The following FAT1 variants were observed in gnomAD, a reference collection of about 807,000 sequenced individuals.
The protein encoded by FAT1 is protocadherin Fat 1.
A neutral mutation model predicts 329.8 loss-of-function variants in FAT1; 171 were observed. The ratio of observed to expected loss-of-function variants is 0.52; its 90% CI spans 0.46 to 0.59. The LOEUF is 0.59. Among genes scored for constraint, FAT1 ranks in the 20% least tolerant of loss-of-function variants. The pLI is 0.00. For missense variants in FAT1, 5,672 were observed against 5,774.4 expected (o/e 0.98, Z 0.57); for synonymous variants, 2,233 against 2,228.6 (o/e 1.00, Z -0.06).
Position 186,596,533 on chromosome 4 carries a change from C to T in FAT1, c.13000+7G>A. 1 of 1,606,538 alleles carries T rather than the reference C, an allele frequency of 6.2e-7. No individual in the cohort carries two copies. The highest frequency in any genetic ancestry group is 1.1e-5 in the South Asian group (1 of 89,474). ...ACACTTTAGTGAGATGAAAAAGTGG[C>T]TCTTACTGTCATAGTCAAAGTCCCA... On this transcript the variant is annotated splice_region_variant and intron_variant, in intron 25 of 26. Transcript: ENST00000441802. The surrounding 1 kb of genome is among the most constrained non-coding windows in gnomAD (Gnocchi z 4.7).
In FAT1 at chr4:186,620,422, T is replaced by C. The variant is rs373045351; in HGVS notation, c.6164A>G (p.Glu2055Gly). 1.2e-6 allele frequency: 2 copies of C among 1,614,032 alleles called. No individual in the cohort carries two copies. The highest frequency in any genetic ancestry group is 1.3e-5 in the African/African-American group (1 of 75,054). Residue 2055 changes from glutamate to glycine, a missense_variant, in exon 10 of 27, where the codon GAG (glutamate) becomes GGG (glycine). Physicochemically the swap from Glu to Gly is moderately conservative, Grantham distance 98. Transcript: ENST00000441802. ...GGCCACTGCAGAAGGCTTATGTTCC[T>C]CTGTCACTTCTACAACCACATCAAA... ...EAFDVVVEVT[E>G]EHKPSAVAHV...
At position 186,682,492 on chromosome 4, in the gene FAT1, A is replaced by G. The variant is rs546171623; in HGVS notation, c.3266-18879T>C. Among the ~76,000 whole-genome samples the G allele has an allele frequency of 2.9e-4, 42 of 145,596 alleles. No homozygotes were observed. The South Asian group carries it at 9.0e-3, about 31-fold the overall frequency. ...CAGTGAGCTAAGATCACACCACCGC[A>G]CTCCAGCCTGAGTGAAAGAGCGAGA... On this transcript the variant is annotated intron_variant, in intron 2 of 26. Transcript: ENST00000441802.
At chr4:186,712,931 G>C (rs1013526792) in intron 1 of FAT1, among the ~76,000 whole-genome samples, 10 of 104,418 alleles carry the variant, frequency 9.6e-5, no homozygotes, top group African/African-American at 4.1e-4. Flanking sequence ...AGCGGTTGAG[G>C]GACAGCGGTA....
chr4:186,618,314 C>G lies in FAT1; in HGVS notation c.8272G>C (p.Gly2758Arg). ...AGACTCTTCTCCAACTTCAGTCTCCCGCTCTGTCTGTCAATCACAAAGGAC... is the reference window on the plus strand; with the variant it reads ...AGACTCTTCTCCAACTTCAGTCTCCGGCTCTGTCTGTCAATCACAAAGGAC... ...DESFVIDRQS[G>R]RLKLEKSLDH... Residue 2758 changes from glycine (G) to arginine (R), a missense_variant, in exon 10 of 27, where the codon GGG (glycine) becomes CGG (arginine). This residue lies in a region of FAT1 where 3,966 missense variants were observed against 3,915.2 expected (regional missense o/e 1.01). Transcript: ENST00000441802. 6.2e-7 allele frequency: 1 copy of G among 1,614,018 alleles called. No individual in the cohort carries two copies. Among genetic ancestry groups the G allele is most frequent in the Non-Finnish European group, 8.5e-7 (1 of 1,179,898 alleles).
Position 186,636,683 on chromosome 4 carries a change from C to G in FAT1, c.3874G>C (p.Glu1292Gln), listed in dbSNP as rs184443677. 3.7e-6 allele frequency: 6 copies of G among 1,613,736 alleles called. No individual in the cohort carries two copies. Among genetic ancestry groups the G allele is most frequent in the African/African-American group, 1.3e-5 (1 of 74,882 alleles). ...GPNAEISYSI[E>Q]DGNEHGKFFI... ...AATTTGCCATGCTCATTCCCGTCTTCGATGCTGTAGGAGATTTCTGCATTG... is the reference window on the plus strand; with the variant it reads ...AATTTGCCATGCTCATTCCCGTCTTGGATGCTGTAGGAGATTTCTGCATTG... Residue 1292 changes from glutamate (E) to glutamine (Q), a missense_variant, in exon 5 of 27, where the codon GAA becomes CAA. Physicochemically the swap from Glu to Gln is conservative, Grantham distance 29. Around this residue, in one of 2 missense-constraint regions of FAT1, gnomAD observed 3,966 missense variants for 3,915.2 expected, o/e 1.01. Transcript: ENST00000441802.
chr4:186,680,661 A>C (rs1743168835), intron 2 of FAT1, among the ~76,000 whole-genome samples: 1 of 152,218 alleles, frequency 6.6e-6, no homozygotes, highest in South Asian at 2.1e-4. Context: ...AAAGAACAAG[A>C]GTTAAAAGAG....
intron 2 of FAT1, 55 bp downstream of exon 2, chr4:186,706,505 TAAA>T (rs200130748): frequency 6.0e-4 from 841 of 1,398,984 alleles, no homozygotes; most frequent in South Asian, 8.4e-4. Context: ...GGCAGATGGT[TAAA>T]AAAAAAAAAA....
In FAT1 at chr4:186,618,540, T is replaced by G; in HGVS notation, c.8046A>C (p.Ser2682=). 6.2e-7 allele frequency: 1 copy of G among 1,614,050 alleles called. No homozygotes were observed. Among genetic ancestry groups the G allele is most frequent in the Admixed American group, 1.7e-5 (1 of 60,032 alleles). The change falls in exon 10 of 27, where the codon TCA becomes TCC. Residue 2682 remains serine (S), a synonymous_variant. Transcript: ENST00000441802. ...FVRAVDNGSP[S]KESVVLVYVK... ...CATAGACAAGAACAACAGATTCTTT[T>G]GATGGAGACCCATTATCCACAGCTC...
rs1740015283 is a variant in FAT1 at position 186,620,967 on chromosome 4, A to G, written c.5619T>C (p.Asn1873=). The G allele has an allele frequency of 1.2e-6, 2 of 1,613,690 alleles. No individual in the cohort carries two copies. The highest frequency in any genetic ancestry group is 1.1e-5 in the South Asian group (1 of 91,090). Residue 1873 remains asparagine (N), a synonymous_variant, in exon 10 of 27, where the codon AAT becomes AAC. Coordinates refer to ENST00000441802, the MANE Select transcript of FAT1 (RefSeq NM_005245.4). ...GCTTGGCAAACACAGGGGGGCAGTC[A>G]TTAATGTCAATTACATGTACTGTTA... ...ANVTVHVIDI[N]DCPPVFAKPL... is the part of the protein sequence containing the mutation.
intron 9 of FAT1, among the ~76,000 whole-genome samples, chr4:186,626,690 C>A (rs1233279727): frequency 1.4e-5 from 2 of 140,062 alleles, no homozygotes; most frequent in Non-Finnish European, 3.1e-5. Context: ...TGGCACCTCG[C>A]ACATAAAGTG....
At position 186,603,460 on chromosome 4, in the gene FAT1, T is replaced by C. The variant is rs2126428502; in HGVS notation, c.11066A>G (p.His3689Arg). 4 of 1,613,964 alleles carry C rather than the reference T, an allele frequency of 2.5e-6. No individual in the cohort carries two copies. Among genetic ancestry groups the C allele is most frequent in the Non-Finnish European group, 3.4e-6 (4 of 1,179,894 alleles). ...QIVSLQSSEP[H>R]PHLDVLLFVE... ...AAAAAGTAAGACGTCCAGATGTGGG[T>C]GAGGTTCAGAGGACTGCAAACTAAC... The change falls in exon 19 of 27, where the codon CAC becomes CGC. Residue 3689 changes from histidine (H) to arginine (R), a missense_variant. By Grantham distance (29) the His-to-Arg change is conservative. Around this residue, in one of 2 missense-constraint regions of FAT1, gnomAD observed 1,706 missense variants for 1,859.1 expected, o/e 0.92. Coordinates refer to ENST00000441802, the MANE Select transcript of FAT1 (RefSeq NM_005245.4).
At chr4:186,715,612 C>T (rs923631316) in intron 1 of FAT1, among the ~76,000 whole-genome samples, 1 of 152,178 alleles carries the variant, frequency 6.6e-6, no homozygotes, top group African/African-American at 2.4e-5. Flanking sequence ...GACTCCAACA[C>T]CATTTCATCT....
At chr4:186,673,519 C>T (rs2126635127) in intron 2 of FAT1, among the ~76,000 whole-genome samples, 1 of 152,158 alleles carries the variant, frequency 6.6e-6, no homozygotes, top group Middle Eastern at 3.4e-3. Context: ...AATCACATTG[C>T]CCAGAATGAG....
Position 186,628,603 on chromosome 4 carries a change from C to G in FAT1, c.4484G>C (p.Ser1495Thr). The change falls in exon 8 of 27, where the codon AGC (serine) becomes ACC (threonine). Residue 1495 changes from serine (S) to threonine (T), a missense_variant. Around this residue, in one of 2 missense-constraint regions of FAT1, gnomAD observed 3,966 missense variants for 3,915.2 expected, o/e 1.01. Transcript: ENST00000441802. ...EKNKLIYTLQ[S>T]SRDPLSLKKF... Reference sequence around the variant, plus strand: ...CTTGAGACTCAGTGGATCTCTACTGCTCTGCAGAGTGTAGATTAGTTTGTT... The same window carrying G: ...CTTGAGACTCAGTGGATCTCTACTGGTCTGCAGAGTGTAGATTAGTTTGTT... 6.2e-7 allele frequency: 1 copy of G among 1,613,970 alleles called. No homozygotes were observed. The highest frequency in any genetic ancestry group is 8.5e-7 in the Non-Finnish European group (1 of 1,179,880).
intron 1 of FAT1, among the ~76,000 whole-genome samples, chr4:186,716,996 GCT>G (rs1167664812): frequency 6.6e-6 from 1 of 151,974 alleles, no homozygotes; most frequent in Non-Finnish European, 1.5e-5. Flanking sequence ...CGAATTCCTG[GCT>G]GCAAGTCATC....
chr4:186,725,988 G>T (rs915063433), upstream of FAT1, among the ~76,000 whole-genome samples: 1 of 152,248 alleles, frequency 6.6e-6, no homozygotes, highest in Admixed American at 6.5e-5. The surrounding 1 kb of genome is among the most constrained non-coding windows in gnomAD (Gnocchi z 5.4). Context: ...ACCCTGCAAG[G>T]AGCGCGCCTC....
chr4:186,599,307 G>A (rs1384969255), intron 22 of FAT1, among the ~76,000 whole-genome samples: 1 of 152,098 alleles, frequency 6.6e-6, no homozygotes, highest in Non-Finnish European at 1.5e-5. Flanking sequence ...ATTATACCAA[G>A]CTCTATTTGG....
chr4:186,603,271 A>G lies in FAT1; in HGVS notation c.11255T>C (p.Val3752Ala), dbSNP rs2126425515. ...DCPWKFCDEKVSVDESVMSTH... is the reference protein window; with the variant it reads ...DCPWKFCDEKASVDESVMSTH... ...TGACATCACACTTTCATCCACAGAC[A>G]CCTTTTCATCGCAGAACTTCCAGGG... is the stretch of plus-strand genomic sequence containing the variant. Residue 3752 changes from valine to alanine, a missense_variant, in exon 19 of 27, where the codon GTG (valine) becomes GCG (alanine). Around this residue, in one of 2 missense-constraint regions of FAT1, gnomAD observed 1,706 missense variants for 1,859.1 expected, o/e 0.92. Coordinates refer to ENST00000441802, the MANE Select transcript of FAT1 (RefSeq NM_005245.4). The G allele has an allele frequency of 1.2e-6, 2 of 1,613,910 alleles. No homozygotes were observed. Among genetic ancestry groups the G allele is most frequent in the Non-Finnish European group, 1.7e-6 (2 of 1,179,864 alleles).
intron 17 of FAT1, 95 bp downstream of exon 17, chr4:186,605,975 G>T: frequency 1.6e-6 from 2 of 1,212,692 alleles, no homozygotes; most frequent in Non-Finnish European, 2.3e-6. Flanking sequence ...CATTTTTCTA[G>T]AAAGAAACCT....
Sources: gnomAD v4.1 joint callset for allele counts (sites outside exome capture counted in the v4.1 genomes callset) on GRCh38, gnomAD v4.1.1 for gene constraint, gnomAD v4.1.1 regional missense constraint, Gnocchi (gnomAD v3.1) non-coding constraint, MANE v1.5 for transcripts, NCBI Gene and HGNC (gene_info 2026-07-23, HGNC 2026-07-21) for gene names.